Variants in ERBB4 observed in about 807,000 individuals in gnomAD.
ERBB4 encodes erb-b2 receptor tyrosine kinase 4.
ERBB4 carries 42 observed loss-of-function variants against 158.0 expected under a neutral mutation model. The ratio of observed to expected loss-of-function variants is 0.27; its 90% CI spans 0.21 to 0.34. ERBB4 has a LOEUF of 0.34. Ranked by LOEUF, ERBB4 falls within the 10% of genes least tolerant of loss-of-function variation. ERBB4 has a pLI of 1.00. For missense variants in ERBB4, 1,333 were observed against 1,624.1 expected (o/e 0.82, Z 3.08); for synonymous variants, 583 against 558.7 (o/e 1.04, Z -0.61).
intron 16 of ERBB4, among the ~76,000 whole-genome samples, chr2:211,639,124 A>G (rs1055430015): frequency 2.0e-5 from 3 of 152,144 alleles, no homozygotes; most frequent in Admixed American, 2.0e-4. Context: ...CACAGTTTAT[A>G]CCTATTATAC....
At chr2:211,470,807 C>T (rs571277903) in intron 20 of ERBB4, among the ~76,000 whole-genome samples, 28 of 152,302 alleles carry the variant, frequency 1.8e-4, no homozygotes, top group African/African-American at 6.5e-4. Context: ...AAACACCTTG[C>T]CCAACTGTAA....
intron 3 of ERBB4, among the ~76,000 whole-genome samples, chr2:211,915,314 A>G (rs914481125): frequency 6.6e-6 from 1 of 152,050 alleles, no homozygotes; most frequent in Non-Finnish European, 1.5e-5. Flanking sequence ...TTCCCACAGC[A>G]ATCATTTATT....
intron 19 of ERBB4, among the ~76,000 whole-genome samples, chr2:211,577,610 A>G (rs2067930150): frequency 6.6e-6 from 1 of 152,164 alleles, no homozygotes; most frequent in Non-Finnish European, 1.5e-5. Flanking sequence ...AAGCTTATCC[A>G]CCATGATCAA....
chr2:212,405,545 G>A (rs999841270), intron 1 of ERBB4, among the ~76,000 whole-genome samples: 15 of 151,958 alleles, frequency 9.9e-5, no homozygotes, highest in African/African-American at 3.6e-4. Flanking sequence ...GAATGTTCAT[G>A]GCAGCTTTGT....
intron 3 of ERBB4, among the ~76,000 whole-genome samples, chr2:211,944,230 A>C: frequency 1.2e-5 from 1 of 80,332 alleles, no homozygotes; most frequent in Admixed American, 1.3e-4. Flanking sequence ...ACACACAAAA[A>C]AAAAGAACAC....
chr2:211,831,827 T>C (rs1575212578), intron 3 of ERBB4, among the ~76,000 whole-genome samples: 1 of 151,868 alleles, frequency 6.6e-6, no homozygotes, highest in Non-Finnish European at 1.5e-5. Context: ...CACTTGAACC[T>C]GGGAGGCAGA....
intron 1 of ERBB4, among the ~76,000 whole-genome samples, chr2:212,158,405 G>A (rs975963766): frequency 5.9e-5 from 9 of 151,800 alleles, no homozygotes; most frequent in Admixed American, 6.6e-5. Flanking sequence ...AATGAACCAC[G>A]TTCTTATAAG....
At chr2:211,872,276 A>C (rs2078370264) in intron 3 of ERBB4, among the ~76,000 whole-genome samples, 1 of 152,222 alleles carries the variant, frequency 6.6e-6, no homozygotes, top group African/African-American at 2.4e-5. Flanking sequence ...AAATTACAAC[A>C]TTCGGGTTCA....
At chr2:211,579,252 C>T (rs2067984473) in intron 19 of ERBB4, among the ~76,000 whole-genome samples, 1 of 152,030 alleles carries the variant, frequency 6.6e-6, no homozygotes, top group Non-Finnish European at 1.5e-5. Context: ...AATGAGGTAC[C>T]ATCTCATGCC....
At chr2:212,457,297 T>C (rs1326295536) in intron 1 of ERBB4, among the ~76,000 whole-genome samples, 1 of 152,034 alleles carries the variant, frequency 6.6e-6, no homozygotes, top group Non-Finnish European at 1.5e-5. Flanking sequence ...TTCCCAATCA[T>C]AGCACATTTC....
At chr2:211,825,428 T>C (rs1026528123) in intron 3 of ERBB4, among the ~76,000 whole-genome samples, 1 of 151,906 alleles carries the variant, frequency 6.6e-6, no homozygotes, top group Non-Finnish European at 1.5e-5. Flanking sequence ...CAAGCTTTTA[T>C]TATTTTTTGT....
At chr2:212,308,929 A>G (rs532013756) in intron 1 of ERBB4, among the ~76,000 whole-genome samples, 25 of 151,004 alleles carry the variant, frequency 1.7e-4, no homozygotes, top group Non-Finnish European at 3.1e-4. Flanking sequence ...CCATAACCCA[A>G]TATTGGGTAA....
chr2:212,531,261 C>T (rs552476622), intron 1 of ERBB4, among the ~76,000 whole-genome samples: 2 of 152,222 alleles, frequency 1.3e-5, no homozygotes, highest in Admixed American at 6.5e-5. Flanking sequence ...ATGCCCAAGA[C>T]GGCTGAGGCA....
chr2:211,885,029 A>G (rs886397579), intron 3 of ERBB4, among the ~76,000 whole-genome samples: 4 of 152,342 alleles, frequency 2.6e-5, no homozygotes, highest in Non-Finnish European at 4.4e-5. Flanking sequence ...GGTTGGATAT[A>G]TAATTTTTAA....
intron 1 of ERBB4, among the ~76,000 whole-genome samples, chr2:212,354,177 T>C (rs1412106218): frequency 6.6e-6 from 1 of 152,162 alleles, no homozygotes. Flanking sequence ...ACTTGATTAA[T>C]CAAAATTATA....
intron 16 of ERBB4, among the ~76,000 whole-genome samples, chr2:211,631,401 T>A (rs978618659): frequency 6.6e-6 from 1 of 152,152 alleles, no homozygotes; most frequent in African/African-American, 2.4e-5. Flanking sequence ...GTTTTCAGAA[T>A]AATGACAAGA....
intron 1 of ERBB4, among the ~76,000 whole-genome samples, chr2:212,230,638 T>TGCGTATG (rs1358565227): frequency 6.6e-6 from 1 of 152,198 alleles, no homozygotes; most frequent in Non-Finnish European, 1.5e-5. Context: ...TGTATGACAG[T>TGCGTATG]GCGTATGGTT....
At chr2:211,969,080 G>A (rs774169840) in intron 2 of ERBB4, among the ~76,000 whole-genome samples, 9 of 151,972 alleles carry the variant, frequency 5.9e-5, no homozygotes, top group Non-Finnish European at 1.0e-4. Flanking sequence ...AATCAAAACA[G>A]AGATGCAGAG....
At chr2:211,965,140 G>A (rs111430330) in intron 2 of ERBB4, among the ~76,000 whole-genome samples, 3,654 of 152,088 alleles carry the variant, frequency 0.024, 71 homozygotes, top group Non-Finnish European at 0.039. Flanking sequence ...TGACAGCGTC[G>A]TATCATGAAA....
Sources: allele counts gnomAD v4.1 joint callset (sites outside exome capture counted in the v4.1 genomes callset), GRCh38; gene constraint gnomAD v4.1.1; transcripts MANE v1.5; gene names NCBI Gene and HGNC (gene_info 2026-07-23, HGNC 2026-07-21).